Variants in GALC observed in about 807,000 individuals in gnomAD.
GALC encodes the protein galactosylceramidase, also known as galactocerebrosidase.
A neutral mutation model predicts 91.8 loss-of-function variants in GALC; 77 were observed. The observed-to-expected ratio is 0.84, with a 90% CI of 0.70 to 1.01. The LOEUF is 1.01. GALC is among the 50% of genes least tolerant of loss of function. The pLI is 0.00. For missense variants in GALC, 882 were observed against 855.9 expected, an observed-to-expected ratio of 1.03 and a Z score of -0.38; for synonymous variants, 357 against 306.7, an observed-to-expected ratio of 1.16 and a Z score of -1.71.
chr14:87,992,805 C>CT, intron 1 of GALC, 165 bp downstream of exon 1: 1 of 1,408,102 alleles, frequency 7.1e-7, no homozygotes, highest in Non-Finnish European at 9.2e-7. Context: ...CCGCCCCAGC[C>CT]CCGCAGCGGG....
intron 16 of GALC, 88 bp downstream of exon 16, chr14:87,939,817 C>T (rs1233350320): frequency 1.4e-5 from 13 of 961,948 alleles, no homozygotes; most frequent in East Asian, 9.6e-5. Flanking sequence ...ATATGTCACA[C>T]TTTCCCCCTC....
chr14:87,947,347 C>T (rs1436106820), intron 13 of GALC, among the ~76,000 whole-genome samples: 4 of 151,890 alleles, frequency 2.6e-5, no homozygotes, highest in Admixed American at 6.6e-5. Context: ...CCCATAAGCA[C>T]TCAGTTCACT....
intron 10 of GALC, among the ~76,000 whole-genome samples, chr14:87,961,793 A>G (rs1885817466): frequency 6.6e-6 from 1 of 152,180 alleles, no homozygotes; most frequent in Admixed American, 6.6e-5. Flanking sequence ...GGTGGCAGAA[A>G]GGTTAAGAAT....
intron 9 of GALC, among the ~76,000 whole-genome samples, chr14:87,964,153 C>T (rs1002048947): frequency 6.6e-6 from 1 of 152,056 alleles, no homozygotes; most frequent in Non-Finnish European, 1.5e-5. Context: ...CCTTAGTTTT[C>T]TCATATAATT....
intron 1 of GALC, 184 bp downstream of exon 1, chr14:87,992,786 A>G (rs1472719533): frequency 5.0e-6 from 7 of 1,411,930 alleles, no homozygotes; most frequent in Admixed American, 3.1e-5. Flanking sequence ...GTGTTAAACG[A>G]GAAAGCACCC....
At chr14:87,938,185 A>G (rs1283002301) in intron 16 of GALC, among the ~76,000 whole-genome samples, 1 of 152,000 alleles carries the variant, frequency 6.6e-6, no homozygotes. Flanking sequence ...CAGAGCCAGC[A>G]GTGAGGAATA....
intron 1 of GALC, chr14:87,992,694 G>C: frequency 7.0e-7 from 1 of 1,434,538 alleles, no homozygotes. Flanking sequence ...TCACTACTTA[G>C]ACCTGTCACT....
rs200532368 is a variant in GALC, at chr14:87,986,552, G to T, written c.379C>A (p.Arg127=). The change falls in exon 4 of 17, where the codon CGA becomes AGA. Residue 127 remains arginine, a synonymous_variant. Coordinates refer to ENST00000261304, the MANE Select transcript of GALC (RefSeq NM_000153.4). ...TTCATCAACCACCACTCGTATCCTC[G>T]GAAATAATTCTCATCTAGTGCATAA... is the stretch of plus-strand genomic sequence containing the variant. ...MHYALDENYF[R]GYEWWLMKEA... 2.5e-6 allele frequency: 4 copies of T among 1,613,604 alleles called. No individual in the cohort carries two copies. The Admixed American group carries it at 5.0e-5, about 20-fold the overall frequency.
chr14:87,975,765 C>T (rs920770222), intron 7 of GALC, among the ~76,000 whole-genome samples: 1 of 152,066 alleles, frequency 6.6e-6, no homozygotes, highest in Non-Finnish European at 1.5e-5. Context: ...CATACACACA[C>T]ACACACACAC....
In GALC at chr14:87,988,602, C is replaced by G. The variant is rs547788015; in HGVS notation, c.196-79G>C. The G allele has an allele frequency of 6.0e-6, 6 of 991,880 alleles. No individual in the cohort carries two copies. The African/African-American group carries it at 7.9e-5, about 13-fold the overall frequency. The allele number at this position is 991,880 out of a possible 1,614,324, so 61.4% of individuals were successfully genotyped here. ...CTGTCTACAGTGTTCACGCACACCA[C>G]CTGGTATACACATATTTAGCCTCAG... On this transcript the variant is annotated intron_variant, in intron 1 of 16. Transcript: ENST00000261304.
At position 87,933,017 on chromosome 14, in the gene GALC, T is replaced by C. The variant is rs1884425573; in HGVS notation, c.*1715A>G. The C allele has an allele frequency of 3.3e-5, 5 of 152,126 alleles. No homozygotes were observed. The highest frequency in any genetic ancestry group is 2.6e-4 in the Admixed American group (4 of 15,246). 9.4% of individuals were successfully genotyped at this position (152,126 alleles called of 1,614,324 possible). A position where few individuals can be genotyped will look rare whatever the true frequency, so the allele number is the denominator to read the frequency against. The stretch of plus-strand genomic sequence containing the variant: ...AAAAATATATTTGACACAAAGATTG[T>C]AAATGTAGACAGTTTTAATTGTAGT... On this transcript the variant is annotated 3_prime_UTR_variant, in exon 17 of 17. Coordinates refer to ENST00000261304, the MANE Select transcript of GALC (RefSeq NM_000153.4).
Position 87,952,873 on chromosome 14 carries a change from T to C in GALC, c.1162-2125A>G, listed in dbSNP as rs1885369797. 2.4e-5 allele frequency: 26 copies of C among 1,065,610 alleles called. No homozygotes were observed. In the South Asian group the frequency reaches 2.8e-4, roughly 12 times the overall value. 66.0% of individuals were successfully genotyped at this position (1,065,610 alleles called of 1,614,324 possible). A position where few individuals can be genotyped will look rare whatever the true frequency, so the allele number is the denominator to read the frequency against. ...ATGCAAATATGTGGATTTGAAAGCA[T>C]AGTTCTGCATTTAACTGAAAAGTAT... is the stretch of plus-strand genomic sequence containing the variant. On this transcript the variant is annotated intron_variant, in intron 10 of 16. Transcript: ENST00000261304.
rs79515863 is a variant in GALC at position 87,982,299 on chromosome 14, C to T, written c.583-56G>A. 157,911 of 1,176,282 alleles carry T rather than the reference C, an allele frequency of 0.13. 11,892 individuals are homozygous for T. Among genetic ancestry groups the T allele is most frequent in the Middle Eastern group, 0.16 (845 of 5,222 alleles). The allele number at this position is 1,176,282 out of a possible 1,614,324, so 72.9% of individuals were successfully genotyped here. A position where few individuals can be genotyped will look rare whatever the true frequency, so the allele number is the denominator to read the frequency against. On this transcript the variant is annotated intron_variant, in intron 5 of 16. Coordinates refer to ENST00000261304, the MANE Select transcript of GALC (RefSeq NM_000153.4). ...TTGAAAGTTACAAAATGTCAGAAAG[C>T]AGATTATCGTTACGATACCATTTCT...
Position 87,934,423 on chromosome 14 carries a change from C to CA in GALC, c.*308dup, listed in dbSNP as rs1884483441. 25 of 1,294,760 alleles carry CA rather than the reference C, an allele frequency of 1.9e-5. No individual in the cohort carries two copies. The highest frequency in any genetic ancestry group is 2.5e-5 in the Non-Finnish European group (25 of 1,014,846). 80.2% of individuals were successfully genotyped at this position (1,294,760 alleles called of 1,614,324 possible). A position where few individuals can be genotyped will look rare whatever the true frequency, so the allele number is the denominator to read the frequency against. ...GCAAATAAGATGAAGAGAGCTACCT[C>CA]AGTGTTAGCAGCAAGGCTTCGAGGT... On this transcript the variant is annotated 3_prime_UTR_variant, in exon 17 of 17. Coordinates refer to ENST00000261304, the MANE Select transcript of GALC (RefSeq NM_000153.4).
chr14:87,950,809 A>C (rs1160725032), intron 10 of GALC, 61 bp from the exon 11 acceptor site: 2 of 1,033,530 alleles, frequency 1.9e-6, no homozygotes, highest in African/African-American at 1.6e-5. Flanking sequence ...AGGGGAAAAA[A>C]AGTTCAACAG....
rs1884426817 is a variant in GALC, at chr14:87,933,055, T to G, written c.*1677A>C. On this transcript the variant is annotated 3_prime_UTR_variant, in exon 17 of 17. Transcript: ENST00000261304. Reference sequence around the variant, plus strand: ...TTTTAATTGTAGTATCAGAAACTGGTGGGGAGGAAACAAATTGTGGTATAT... The same window carrying G: ...TTTTAATTGTAGTATCAGAAACTGGGGGGGAGGAAACAAATTGTGGTATAT... 6.6e-6 allele frequency: 1 copy of G among 151,994 alleles called. No homozygotes were observed. Among genetic ancestry groups the G allele is most frequent in the Admixed American group, 6.6e-5 (1 of 15,228 alleles). 9.4% of individuals were successfully genotyped at this position (151,994 alleles called of 1,614,324 possible). A position where few individuals can be genotyped will look rare whatever the true frequency, so the allele number is the denominator to read the frequency against.
At chr14:87,987,186 T>C (rs1057446314) in intron 3 of GALC, 3 of 355,866 alleles carry the variant, frequency 8.4e-6, no homozygotes, top group African/African-American at 4.4e-5. Flanking sequence ...AGGTAGGTAA[T>C]TGCTATCAAA....
chr14:87,992,928 G>C (rs771632557), intron 1 of GALC, 42 bp downstream of exon 1: 7 of 1,492,768 alleles, frequency 4.7e-6, no homozygotes, highest in South Asian at 1.3e-5. Context: ...CACGGGGCGG[G>C]CTCTTGCCGC....
intron 10 of GALC, chr14:87,953,125 T>C: frequency 6.7e-7 from 1 of 1,501,890 alleles, no homozygotes; most frequent in Non-Finnish European, 9.2e-7. Flanking sequence ...TTGGGATTAT[T>C]TTCCTTGAAC....
Sources: allele counts gnomAD v4.1 joint callset (sites outside exome capture counted in the v4.1 genomes callset), GRCh38; gene constraint gnomAD v4.1.1; transcripts MANE v1.5; gene names NCBI Gene and HGNC (gene_info 2026-07-23, HGNC 2026-07-21).